TACR1: variants seen among roughly 807,000 people sequenced by gnomAD.
TACR1 encodes the protein tachykinin receptor 1.
TACR1 carries 25 observed loss-of-function variants against 35.8 expected under a neutral mutation model. That is an observed-to-expected ratio of 0.70 (90% CI 0.51 to 0.98). TACR1 has a LOEUF of 0.98. TACR1 is among the 50% of genes least tolerant of loss of function. The pLI, the probability that TACR1 is intolerant of heterozygous loss-of-function variation, is 0.00. For missense variants in TACR1, 478 were observed against 522.9 expected (o/e 0.91, Z 0.84); for synonymous variants, 195 against 206.7 (o/e 0.94, Z 0.48).
intron 2 of TACR1, chr2:75,090,688 G>A (rs919711549): frequency 2.0e-5 from 3 of 153,700 alleles, no homozygotes; most frequent in Non-Finnish European, 4.4e-5. Context: ...CTTTTAATCT[G>A]TATGCTCTCT....
chr2:75,082,775 TG>T (rs1345592353), intron 2 of TACR1, among the ~76,000 whole-genome samples: 9 of 152,322 alleles, frequency 5.9e-5, no homozygotes, highest in African/African-American at 2.2e-4. Flanking sequence ...TGGGGTTGTT[TG>T]TTTTTTTCTT....
chr2:75,060,179 C>T (rs1387030847), intron 2 of TACR1, among the ~76,000 whole-genome samples: 1 of 152,092 alleles, frequency 6.6e-6, no homozygotes, highest in African/African-American at 2.4e-5. Flanking sequence ...GGGAGTAGTG[C>T]CAAAGAGTGT....
At chr2:75,069,382 A>G (rs1672832587) in intron 2 of TACR1, among the ~76,000 whole-genome samples, 1 of 151,866 alleles carries the variant, frequency 6.6e-6, no homozygotes. Context: ...TGACAATTTT[A>G]TTTTAGAATA....
At chr2:75,053,875 T>A in intron 2 of TACR1, 120 bp from the exon 3 acceptor site, 1 of 1,384,636 alleles carries the variant, frequency 7.2e-7, no homozygotes, top group Non-Finnish European at 9.9e-7. Flanking sequence ...ATGCCATTAA[T>A]AAGCTTGGGC....
chr2:75,096,811 T>A (rs890833197), intron 2 of TACR1, among the ~76,000 whole-genome samples: 2 of 152,198 alleles, frequency 1.3e-5, no homozygotes. Context: ...AACTTCTCTC[T>A]TTACCTCTGC....
At chr2:75,165,603 T>C (rs898913471) in intron 1 of TACR1, among the ~76,000 whole-genome samples, 9 of 152,076 alleles carry the variant, frequency 5.9e-5, no homozygotes, top group Non-Finnish European at 1.3e-4. Flanking sequence ...CCACTGCGCC[T>C]GGCCCCATCT....
At chr2:75,122,145 TAA>T (rs1360654227) in intron 1 of TACR1, among the ~76,000 whole-genome samples, 1 of 152,180 alleles carries the variant, frequency 6.6e-6, no homozygotes, top group Non-Finnish European at 1.5e-5. Flanking sequence ...AGCAGTAGGA[TAA>T]GTGACCTCAA....
chr2:75,129,268 G>A (rs543977966), intron 1 of TACR1, among the ~76,000 whole-genome samples: 3 of 152,334 alleles, frequency 2.0e-5, no homozygotes, highest in African/African-American at 7.2e-5. Context: ...TGCTGTCACT[G>A]CAGTATTGAG....
At chr2:75,063,434 G>A (rs1558540208) in intron 2 of TACR1, among the ~76,000 whole-genome samples, 1 of 152,040 alleles carries the variant, frequency 6.6e-6, no homozygotes, top group Non-Finnish European at 1.5e-5. Flanking sequence ...TTGTTTATTT[G>A]CATTATAACT....
At chr2:75,185,683 G>C in intron 1 of TACR1, among the ~76,000 whole-genome samples, 1 of 152,226 alleles carries the variant, frequency 6.6e-6, no homozygotes. Context: ...TAGGAATATG[G>C]ATAAAGGAAC....
intron 2 of TACR1, among the ~76,000 whole-genome samples, chr2:75,058,984 G>A (rs1672621176): frequency 6.6e-6 from 1 of 152,196 alleles, no homozygotes; most frequent in Non-Finnish European, 1.5e-5. Context: ...CCTTAAGGTA[G>A]GGGAAGAAGG....
At chr2:75,117,176 G>T (rs1372308715) in intron 2 of TACR1, among the ~76,000 whole-genome samples, 2 of 150,928 alleles carry the variant, frequency 1.3e-5, no homozygotes, top group Non-Finnish European at 3.0e-5. Flanking sequence ...TGAAGCCCAT[G>T]TTCAAAACCT....
Position 75,094,857 on chromosome 2 carries a change from A to T in TACR1, c.584+25717T>A, listed in dbSNP as rs868650172. On this transcript the variant is annotated intron_variant, in intron 2 of 4. Transcript: ENST00000305249. ...CAGAAACATATATATATATATATAT[A>T]TATTTTTTTTTTTTTTGCCCAAGAT... 4.7e-3 allele frequency among the ~76,000 whole-genome samples: 430 copies of T among 91,078 alleles called. 6 individuals carry two copies. The highest frequency in any genetic ancestry group is 0.022 in the African/African-American group (355 of 16,166). 59.8% of individuals were successfully genotyped at this position (91,078 alleles called of 152,430 possible). A position where few individuals can be genotyped will look rare whatever the true frequency, so the allele number is the denominator to read the frequency against.
intron 2 of TACR1, among the ~76,000 whole-genome samples, chr2:75,061,237 C>T (rs897698972): frequency 2.0e-5 from 3 of 149,232 alleles, no homozygotes; most frequent in South Asian, 4.3e-4. Context: ...ACTCCAGGGG[C>T]GGGTACAGCC....
intron 2 of TACR1, among the ~76,000 whole-genome samples, chr2:75,092,378 G>A (rs189297777): frequency 1.3e-5 from 2 of 152,040 alleles, no homozygotes; most frequent in East Asian, 3.9e-4. Context: ...CCAAGTCCCT[G>A]CCAGTTAATA....
intron 1 of TACR1, among the ~76,000 whole-genome samples, chr2:75,192,114 T>G (rs887802774): frequency 6.6e-6 from 1 of 152,148 alleles, no homozygotes; most frequent in African/African-American, 2.4e-5. Context: ...ATGCCAGTCC[T>G]AGGTGTCTAG....
At position 75,056,774 on chromosome 2, in the gene TACR1, TGTTA is replaced by T. The variant is rs1672576386; in HGVS notation, c.585-3023_585-3020del. 2.6e-5 allele frequency among the ~76,000 whole-genome samples: 4 copies of T among 152,374 alleles called. No individual in the cohort carries two copies. The South Asian group carries it at 8.3e-4, about 32-fold the overall frequency. On this transcript the variant is annotated intron_variant, in intron 2 of 4. Coordinates refer to ENST00000305249, the MANE Select transcript of TACR1 (RefSeq NM_001058.4). ...CCCTTTTTAAAGAAGCAAAAGTTAT[TGTTA>T]TTTATTTGAAAACAACAAAAAAAAT...
At chr2:75,185,884 TTA>T (rs1675682000) in intron 1 of TACR1, among the ~76,000 whole-genome samples, 1 of 152,158 alleles carries the variant, frequency 6.6e-6, no homozygotes, top group Non-Finnish European at 1.5e-5. Flanking sequence ...TGATGACAAA[TTA>T]TATGTTGTAG....
At chr2:75,055,672 T>G (rs958548518) in intron 2 of TACR1, among the ~76,000 whole-genome samples, 6 of 152,208 alleles carry the variant, frequency 3.9e-5, no homozygotes, top group African/African-American at 1.4e-4. Context: ...TACAGGGCAC[T>G]GAGCAAGATT....
Sources: allele counts gnomAD v4.1 joint callset (sites outside exome capture counted in the v4.1 genomes callset), GRCh38; gene constraint gnomAD v4.1.1; transcripts MANE v1.5; gene names NCBI Gene and HGNC (gene_info 2026-07-23, HGNC 2026-07-21).